The following TTN variants were observed in gnomAD, a reference collection of about 807,000 sequenced individuals.
TTN encodes connectin.
A neutral mutation model predicts 3,223.0 loss-of-function variants in TTN; 1,525 were observed. The ratio of observed to expected loss-of-function variants is 0.47; its 90% CI spans 0.45 to 0.49. TTN has a LOEUF of 0.49. Ranked by LOEUF, TTN falls within the 20% of genes least tolerant of loss-of-function variation. The pLI is 0.00. For missense variants in TTN, 40,786 were observed against 43,424.0 expected, an observed-to-expected ratio of 0.94 and a Z score of 5.40; for synonymous variants, 14,094 against 15,161.0, an observed-to-expected ratio of 0.93 and a Z score of 5.17.
At position 178,583,769 on chromosome 2, in the gene TTN, C is replaced by T; in HGVS notation, c.65413G>A (p.Val21805Ile). The T allele has an allele frequency of 6.2e-7, 1 of 1,611,448 alleles. No individual in the cohort carries two copies. The highest frequency in any genetic ancestry group is 1.7e-4 in the Middle Eastern group (1 of 6,052). Reference sequence around the variant, plus strand: ...TGGTGAGGTGCAGTATTGCACCGTACCCATTTATCACCAGGAAGTTTGCAA... The same window carrying T: ...TGGTGAGGTGCAGTATTGCACCGTATCCATTTATCACCAGGAAGTTTGCAA... ...EACKLPGDKW[V>I]RCNTAPHQIP... is the part of the protein sequence containing the mutation. The change falls in exon 312 of 363, where the codon GTA (valine) becomes ATA (isoleucine). Residue 21805 changes from valine (V) to isoleucine (I), a missense_variant. Val to Ile is a conservative substitution (Grantham distance 29). Transcript: ENST00000589042.
chr2:178,745,971 C>A (rs1188930999), intron 47 of TTN: 2 of 1,610,792 alleles, frequency 1.2e-6, no homozygotes, highest in East Asian at 2.2e-5. Context: ...GCTATCACAG[C>A]AAATATTTCA....
chr2:178,590,538 A>C lies in TTN; in HGVS notation c.61187T>G (p.Leu20396Arg), dbSNP rs2049986459. 1.2e-6 allele frequency: 2 copies of C among 1,612,874 alleles called. No homozygotes were observed. Among genetic ancestry groups the C allele is most frequent in the Non-Finnish European group, 1.7e-6 (2 of 1,179,336 alleles). The change falls in exon 304 of 363, where the codon CTC becomes CGC. Residue 20396 changes from leucine (L) to arginine (R), a missense_variant. Coordinates refer to ENST00000589042, the MANE Select transcript of TTN (RefSeq NM_001267550.2). ...ETADLVWTKP[L>R]SDGGSPILGY... is the part of the protein sequence containing the mutation. ...TAGAATGGGGCTACCACCATCACTG[A>C]GAGGCTTTGTCCACACCAAATCAGC...
intron 153 of TTN, 29 bp from the exon 154 acceptor site, chr2:178,672,510 A>G: frequency 6.2e-7 from 1 of 1,605,324 alleles, no homozygotes; most frequent in Non-Finnish European, 8.5e-7. Flanking sequence ...AATATTTAGG[A>G]CTGTCGAGAG....
rs746563654 is a variant in TTN, at chr2:178,733,605, T to C, written c.15775+9A>G. 2.7e-5 allele frequency: 44 copies of C among 1,605,252 alleles called. No individual in the cohort carries two copies. The highest frequency in any genetic ancestry group is 3.6e-5 in the Non-Finnish European group (42 of 1,174,068). ...TAGCAATTTGAGGTTTAAATGTTCC[T>C]ACACAAACCTTTAACTATTAATTCC... On this transcript the variant is annotated intron_variant, in intron 53 of 362. Coordinates refer to ENST00000589042, the MANE Select transcript of TTN (RefSeq NM_001267550.2).
chr2:178,622,610 G>T, intron 243 of TTN, 60 bp downstream of exon 243: 3 of 1,407,718 alleles, frequency 2.1e-6, no homozygotes, highest in South Asian at 2.7e-5. Flanking sequence ...ATTTTGGCTA[G>T]ACCAAAAGTA....
chr2:178,706,273 A>G (rs574060874), intron 102 of TTN, among the ~76,000 whole-genome samples, 181 bp downstream of exon 102: 106 of 152,272 alleles, frequency 7.0e-4, no homozygotes, highest in African/African-American at 2.4e-3. Context: ...TCATCTCTAG[A>G]TTACTTATAA....
Position 178,543,331 on chromosome 2 carries a change from G to C in TTN, c.96642C>G (p.Val32214=), listed in dbSNP as rs1264734017. Residue 32214 remains valine (V), a synonymous_variant, in exon 347 of 363, where the codon GTC becomes GTG. Coordinates refer to ENST00000589042, the MANE Select transcript of TTN (RefSeq NM_001267550.2). The part of the protein sequence containing the change: ...LVPAKLEVVD[V]TKSTVTLAWE... ...AGGCAAGGGTAACAGTGGATTTGGT[G>C]ACATCGACCACTTCTAGCTTTGCAG... is the stretch of plus-strand genomic sequence containing the variant. 1 of 1,613,834 alleles carries C rather than the reference G, an allele frequency of 6.2e-7. No individual in the cohort carries two copies. The highest frequency in any genetic ancestry group is 8.5e-7 in the Non-Finnish European group (1 of 1,179,810).
At chr2:178,781,854 CACTT>C (rs1235721725) in intron 20 of TTN, among the ~76,000 whole-genome samples, 2 of 151,850 alleles carry the variant, frequency 1.3e-5, no homozygotes, top group Admixed American at 1.3e-4. Flanking sequence ...ATCTTTTAGT[CACTT>C]AGTTATTACA....
Position 178,680,973 on chromosome 2 carries a change from A to G in TTN, c.33340+106T>C, listed in dbSNP as rs78722888. On this transcript the variant is annotated intron_variant, in intron 138 of 362. Transcript: ENST00000589042. ...TTTTTACATCCAACATTCTGCTGAC[A>G]ACTAATTTAAAAGACATGAAACAAC... 1.8e-3 allele frequency: 1,820 copies of G among 1,007,442 alleles called. 19 individuals carry two copies. The African/African-American group carries it at 0.026, about 15-fold the overall frequency. 62.4% of individuals were successfully genotyped at this position (1,007,442 alleles called of 1,614,324 possible).
Position 178,688,233 on chromosome 2 carries a change from G to T in TTN, c.32198-9C>A, listed in dbSNP as rs555383226. ...TTCCTCCTCTGCAGATACTTTAAAA[G>T]ATAAGGTTTCATTTAAATTCAGCCT... is the stretch of plus-strand genomic sequence containing the variant. On this transcript the variant is annotated splice_polypyrimidine_tract_variant and intron_variant, in intron 126 of 362. Transcript: ENST00000589042. 8 of 1,609,918 alleles carry T rather than the reference G, an allele frequency of 5.0e-6. No individual in the cohort carries two copies. The South Asian group carries it at 6.6e-5, about 13-fold the overall frequency.
In TTN at chr2:178,664,660, C is replaced by A; in HGVS notation, c.36196G>T (p.Asp12066Tyr). 1 of 1,612,420 alleles carries A rather than the reference C, an allele frequency of 6.2e-7. No homozygotes were observed. Among genetic ancestry groups the A allele is most frequent in the Non-Finnish European group, 8.5e-7 (1 of 1,179,642 alleles). ...VPLRKPEVLPDEVPEALREVV... is the reference protein window; with the variant it reads ...VPLRKPEVLPYEVPEALREVV... ...AGCTTCCAGCAAGATATACCTTCATCAGGAAGGACTTCAGGCTTTCTGAGA... is the reference window on the plus strand; with the variant it reads ...AGCTTCCAGCAAGATATACCTTCATAAGGAAGGACTTCAGGCTTTCTGAGA... The change falls in exon 167 of 363, where the codon GAT (aspartate) becomes TAT (tyrosine). Residue 12066 changes from aspartate (D) to tyrosine (Y), a missense_variant. By Grantham distance (160) the Asp-to-Tyr change is radical. Coordinates refer to ENST00000589042, the MANE Select transcript of TTN (RefSeq NM_001267550.2).
At position 178,681,719 on chromosome 2, in the gene TTN, A is replaced by T; in HGVS notation, c.33114T>A (p.Pro11038=). 1 of 1,601,458 alleles carries T rather than the reference A, an allele frequency of 6.2e-7. No individual in the cohort carries two copies. The highest frequency in any genetic ancestry group is 8.5e-7 in the Non-Finnish European group (1 of 1,176,846). The change falls in exon 136 of 363, where the codon CCT becomes CCA. Residue 11038 remains proline, a synonymous_variant. Transcript: ENST00000589042. Reference sequence around the variant, plus strand: ...CTGGTTCTTCTGGGACAGGCTTTACAGGGATAGGCTTCTCTGGTTCTTTAA... The same window carrying T: ...CTGGTTCTTCTGGGACAGGCTTTACTGGGATAGGCTTCTCTGGTTCTTTAA... ...EYITEPEKPI[P]VKPVPEEPVP... is the part of the protein sequence containing the mutation.
In TTN at chr2:178,538,995, C is replaced by T. The variant is rs371041107; in HGVS notation, c.98940G>A (p.Leu32980=). 7 of 1,613,140 alleles carry T rather than the reference C, an allele frequency of 4.3e-6. No homozygotes were observed. In the Admixed American group the frequency reaches 1.0e-4, roughly 23 times the overall value. Residue 32980 remains leucine (L), a synonymous_variant, in exon 353 of 363, where the codon CTG becomes CTA. Transcript: ENST00000589042. ...FRIIAQNDVG[L]SETSPASEPV... Reference sequence around the variant, plus strand: ...GTTCAGAAGCAGGGCTGGTCTCACTCAGGCCAACATCATTCTGTGCGATGA... The same window carrying T: ...GTTCAGAAGCAGGGCTGGTCTCACTTAGGCCAACATCATTCTGTGCGATGA...
In TTN at chr2:178,552,477, G is replaced by T; in HGVS notation, c.90423C>A (p.Val30141=). 1 of 1,611,430 alleles carries T rather than the reference G, an allele frequency of 6.2e-7. No individual in the cohort carries two copies. Among genetic ancestry groups the T allele is most frequent in the Non-Finnish European group, 8.5e-7 (1 of 1,177,914 alleles). Residue 30141 remains valine (V), a synonymous_variant, in exon 335 of 363, where the codon GTC becomes GTA. Transcript: ENST00000589042. ...VDLSDIPGAQ[V]TVRIGHNVHL... ...GCACATTGTGCCCAATTCTCACAGT[G>T]ACTTGTGCCCCAGGGATATCTGACA...
chr2:178,625,521 C>A (rs922368701), intron 240 of TTN, 125 bp from the exon 241 acceptor site: 6 of 994,388 alleles, frequency 6.0e-6, no homozygotes, highest in East Asian at 3.1e-5. Flanking sequence ...CTATTTAGCA[C>A]GTATGCATTC....
In TTN at chr2:178,665,391, G is replaced by C. The variant is rs763959787; in HGVS notation, c.36029C>G (p.Thr12010Ser). 1.9e-6 allele frequency: 3 copies of C among 1,612,402 alleles called. No individual in the cohort carries two copies. The highest frequency in any genetic ancestry group is 2.5e-6 in the Non-Finnish European group (3 of 1,179,552). ...AGGTAACGTACTTTTCATACGTGGA[G>C]TTTCTGGCTCTTCAGGTACATCCTC... ...IFEDVPEEPE[T>S]PRMKTPEAPQ... Residue 12010 changes from threonine to serine, a missense_variant, in exon 165 of 363, where the codon ACT becomes AGT. Coordinates refer to ENST00000589042, the MANE Select transcript of TTN (RefSeq NM_001267550.2).
chr2:178,707,067 G>C, intron 100 of TTN, 113 bp from the exon 101 acceptor site: 1 of 865,330 alleles, frequency 1.2e-6, no homozygotes, highest in Non-Finnish European at 1.7e-6. Flanking sequence ...AAGTACTGCA[G>C]AATTCTCTTT....
chr2:178,593,343 G>A lies in TTN; in HGVS notation c.58865C>T (p.Ser19622Phe). 1 of 1,613,320 alleles carries A rather than the reference G, an allele frequency of 6.2e-7. No homozygotes were observed. Among genetic ancestry groups the A allele is most frequent in the South Asian group, 1.1e-5 (1 of 91,050 alleles). Residue 19622 changes from serine to phenylalanine, a missense_variant, in exon 299 of 363, where the codon TCT (serine) becomes TTT (phenylalanine). Transcript: ENST00000589042. ...TTTGGTAACTCTAGCCCATCGTTTA[G>A]ACATAGTTTCTCTCTTTTCCAGGAT... ...NYILEKRETM[S>F]KRWARVTKDP...
chr2:178,773,999 T>C lies in TTN; in HGVS notation c.7169A>G (p.Lys2390Arg), dbSNP rs777470064. 2 of 1,614,100 alleles carry C rather than the reference T, an allele frequency of 1.2e-6. No individual in the cohort carries two copies. The highest frequency in any genetic ancestry group is 2.2e-5 in the South Asian group (2 of 91,082). The change falls in exon 31 of 363, where the codon AAA (lysine) becomes AGA (arginine). Residue 2390 changes from lysine to arginine, a missense_variant. Coordinates refer to ENST00000589042, the MANE Select transcript of TTN (RefSeq NM_001267550.2). ...SLESVEGVWM[K>R]DGQEVQPSDR... ...ACTGGGCTGCACTTCTTGGCCGTCT[T>C]TCATCCAGACGCCTTCCACACTTTC...
Sources: allele counts gnomAD v4.1 joint callset (sites outside exome capture counted in the v4.1 genomes callset), GRCh38; gene constraint gnomAD v4.1.1; transcripts MANE v1.5; gene names NCBI Gene and HGNC (gene_info 2026-07-23, HGNC 2026-07-21).